GFRA2: variants seen among roughly 807,000 people sequenced by gnomAD.
GFRA2 encodes GDNF family receptor alpha 2.
Under a neutral mutation model 48.3 loss-of-function variants are expected in GFRA2, and 17 were observed. The ratio of observed to expected loss-of-function variants is 0.35; its 90% CI spans 0.24 to 0.53. The LOEUF (loss-of-function observed/expected upper bound fraction) is 0.53. Ranked by LOEUF, GFRA2 falls within the 20% of genes least tolerant of loss-of-function variation. GFRA2 has a pLI of 0.93. For missense variants in GFRA2, 660 were observed against 637.3 expected, an observed-to-expected ratio of 1.04 and a Z score of -0.38; for synonymous variants, 305 against 257.2, an observed-to-expected ratio of 1.19 and a Z score of -1.78.
chr8:21,769,334 C>T (rs1368957260), intron 3 of GFRA2: 4 of 153,524 alleles, frequency 2.6e-5, no homozygotes, highest in South Asian at 4.8e-4. Flanking sequence ...GCCCCAGATA[C>T]TCCTAAGATG....
chr8:21,799,287 G>T (rs1009597182), intron 2 of GFRA2, among the ~76,000 whole-genome samples: 2 of 151,062 alleles, frequency 1.3e-5, no homozygotes, highest in Non-Finnish European at 2.9e-5. Flanking sequence ...GCGCGATCGC[G>T]GCTCACTGTA....
At chr8:21,719,226 G>T (rs367646669) in intron 4 of GFRA2, among the ~76,000 whole-genome samples, 1 of 152,132 alleles carries the variant, frequency 6.6e-6, no homozygotes, top group Admixed American at 6.5e-5. Context: ...CTGGAACAGG[G>T]TCAGGAGGGC....
intron 3 of GFRA2, among the ~76,000 whole-genome samples, chr8:21,764,522 A>G (rs1699886040): frequency 6.6e-6 from 1 of 152,200 alleles, no homozygotes. Context: ...TTGGACAGAA[A>G]TGCCCTCGCC....
intron 7 of GFRA2, among the ~76,000 whole-genome samples, chr8:21,698,829 T>A (rs1418981309): frequency 6.6e-6 from 1 of 150,398 alleles, no homozygotes; most frequent in Non-Finnish European, 1.5e-5. Context: ...CTCAGCACTC[T>A]GTGCTGTCCT....
chr8:21,782,850 C>T lies in GFRA2; in HGVS notation c.90G>A (p.Glu30=). The change falls in exon 2 of 9, where the codon GAG becomes GAA. Residue 30 remains glutamate (E), a synonymous_variant. Transcript: ENST00000524240. The part of the protein sequence containing the change: ...LASPSSLQGP[E]LHGWRPPVDC... ...CCACTGGGGGGCGCCAGCCGTGGAGCTCGGGGCCCTGCAGGGAGGAAGGGC... is the reference window on the plus strand; with the variant it reads ...CCACTGGGGGGCGCCAGCCGTGGAGTTCGGGGCCCTGCAGGGAGGAAGGGC... 1 of 1,568,970 alleles carries T rather than the reference C, an allele frequency of 6.4e-7. No individual in the cohort carries two copies.
intron 2 of GFRA2, among the ~76,000 whole-genome samples, chr8:21,799,905 T>C (rs1807742095): frequency 6.6e-6 from 1 of 152,132 alleles, no homozygotes; most frequent in Non-Finnish European, 1.5e-5. Context: ...GGCTTCTAAA[T>C]AAAGGAAAAG....
chr8:21,788,092 CT>C, intron 1 of GFRA2, 27 bp downstream of exon 1: 2 of 1,419,166 alleles, frequency 1.4e-6, no homozygotes, highest in Non-Finnish European at 9.7e-7. Flanking sequence ...TCGCCTCCCC[CT>C]CGAGCTCGCC....
intron 4 of GFRA2, among the ~76,000 whole-genome samples, chr8:21,728,916 G>T (rs552470292): frequency 6.6e-6 from 1 of 152,202 alleles, no homozygotes; most frequent in Admixed American, 6.5e-5. Flanking sequence ...CTGGATGGAG[G>T]GGGTAGTTCT....
chr8:21,710,846 C>G (rs779745139), intron 4 of GFRA2, among the ~76,000 whole-genome samples: 1 of 152,206 alleles, frequency 6.6e-6, no homozygotes, highest in Non-Finnish European at 1.5e-5. Flanking sequence ...CCTCAGCGTC[C>G]AGCAGCCTTG....
At chr8:21,771,868 A>AT (rs1196535911) in intron 3 of GFRA2, among the ~76,000 whole-genome samples, 1 of 151,918 alleles carries the variant, frequency 6.6e-6, no homozygotes, top group African/African-American at 2.4e-5. Flanking sequence ...CGCAGGCAAT[A>AT]TGAGTTGGGT....
At chr8:21,807,619 C>T (rs150886859) in intron 1 of GFRA2, among the ~76,000 whole-genome samples, 1 of 152,278 alleles carries the variant, frequency 6.6e-6, no homozygotes, top group African/African-American at 2.4e-5. Flanking sequence ...CAGATGGCCA[C>T]CTTCTTGCTG....
At chr8:21,731,399 C>T (rs546577605) in intron 4 of GFRA2, among the ~76,000 whole-genome samples, 2 of 152,176 alleles carry the variant, frequency 1.3e-5, no homozygotes, top group African/African-American at 4.8e-5. Context: ...GTCCATCATC[C>T]GTAGCCATCT....
At chr8:21,704,648 C>A (rs943132889) in intron 6 of GFRA2, among the ~76,000 whole-genome samples, 2 of 152,160 alleles carry the variant, frequency 1.3e-5, no homozygotes, top group African/African-American at 4.8e-5. Flanking sequence ...GGGAAATAAA[C>A]TCGTTAAAGG....
rs1807393924 is a variant in GFRA2, at chr8:21,788,399, A to G, written c.-240T>C. The G allele has an allele frequency of 3.8e-6, 5 of 1,330,726 alleles. No homozygotes were observed. The highest frequency in any genetic ancestry group is 1.5e-5 in the African/African-American group (1 of 65,120). 82.4% of individuals were successfully genotyped at this position (1,330,726 alleles called of 1,614,324 possible). A position where few individuals can be genotyped will look rare whatever the true frequency, so the allele number is the denominator to read the frequency against. The stretch of plus-strand genomic sequence containing the variant: ...CTCGACGCCCCCCTTGCCCGCTACA[A>G]TCAAATATACGCGTATCTGTGTATC... On this transcript the variant is annotated 5_prime_UTR_variant, in exon 1 of 9. Coordinates refer to ENST00000524240, the MANE Select transcript of GFRA2 (RefSeq NM_001495.5).
At chr8:21,744,657 T>G in intron 4 of GFRA2, among the ~76,000 whole-genome samples, 1 of 151,958 alleles carries the variant, frequency 6.6e-6, no homozygotes, top group East Asian at 1.9e-4. Context: ...TTTTAAAATG[T>G]AGATCTTGGC....
chr8:21,694,415 C>T, intron 8 of GFRA2, 49 bp downstream of exon 8: 2 of 1,553,010 alleles, frequency 1.3e-6, no homozygotes, highest in Non-Finnish European at 1.8e-6. Context: ...AATGCCGCCC[C>T]CCACCGGCCC....
At chr8:21,736,520 A>C (rs1804471855) in intron 4 of GFRA2, among the ~76,000 whole-genome samples, 1 of 151,912 alleles carries the variant, frequency 6.6e-6, no homozygotes, top group Non-Finnish European at 1.5e-5. Flanking sequence ...TTTCAGAGAC[A>C]GGGTCTCACT....
intron 4 of GFRA2, among the ~76,000 whole-genome samples, chr8:21,717,703 A>G (rs970819147): frequency 2.0e-5 from 3 of 152,188 alleles, no homozygotes; most frequent in Non-Finnish European, 4.4e-5. Context: ...CAGAAAAGCC[A>G]CCATCTCAGA....
At chr8:21,792,668 G>A (rs1051142727), upstream of GFRA2, among the ~76,000 whole-genome samples, 67 of 152,348 alleles carry the variant, frequency 4.4e-4, no homozygotes, top group African/African-American at 1.4e-3. Flanking sequence ...CTTGCTAGGG[G>A]TAGGATTCAA....
Sources: gnomAD v4.1 joint callset for allele counts (sites outside exome capture counted in the v4.1 genomes callset) on GRCh38, gnomAD v4.1.1 for gene constraint, MANE v1.5 for transcripts, NCBI Gene and HGNC (gene_info 2026-07-23, HGNC 2026-07-21) for gene names.